Variants in SRBD1 observed in about 807,000 individuals in gnomAD.
SRBD1 encodes S1 RNA-binding domain-containing protein 1.
SRBD1 carries 88 observed loss-of-function variants against 115.3 expected under a neutral mutation model. That is an observed-to-expected ratio of 0.76 (90% confidence interval 0.64 to 0.91). SRBD1 has a LOEUF of 0.91. SRBD1 is among the 40% of genes least tolerant of loss of function. SRBD1 has a pLI of 0.00. For missense variants in SRBD1, 1,385 were observed against 1,177.4 expected, an observed-to-expected ratio of 1.18 and a Z score of -2.58; for synonymous variants, 509 against 407.7, an observed-to-expected ratio of 1.25 and a Z score of -2.99.
chr2:45,529,192 A>C (rs985290230), intron 14 of SRBD1, among the ~76,000 whole-genome samples: 1 of 151,944 alleles, frequency 6.6e-6, no homozygotes, highest in Middle Eastern at 3.2e-3. Context: ...GATTCTGTGC[A>C]TGCACTAGAT....
chr2:45,448,505 T>C (rs989094514), intron 16 of SRBD1, among the ~76,000 whole-genome samples: 1 of 152,148 alleles, frequency 6.6e-6, no homozygotes, highest in African/African-American at 2.4e-5. Context: ...AACATTTGCA[T>C]CTCAGAGGCC....
chr2:45,408,888 A>G (rs1667512374), intron 19 of SRBD1, among the ~76,000 whole-genome samples: 1 of 152,216 alleles, frequency 6.6e-6, no homozygotes, highest in South Asian at 2.1e-4. Flanking sequence ...CTTCTAAACC[A>G]TATTATAACT....
chr2:45,498,840 G>A (rs1437820810), intron 14 of SRBD1, among the ~76,000 whole-genome samples: 3 of 152,050 alleles, frequency 2.0e-5, no homozygotes, highest in African/African-American at 7.2e-5. Context: ...CTTTTTTTAT[G>A]GTTGAATAAT....
chr2:45,475,258 T>C (rs938005212), intron 16 of SRBD1, among the ~76,000 whole-genome samples: 2 of 152,182 alleles, frequency 1.3e-5, no homozygotes, highest in Non-Finnish European at 1.5e-5. Context: ...AGACTTGACT[T>C]CTTTCCATCT....
intron 10 of SRBD1, among the ~76,000 whole-genome samples, chr2:45,554,669 G>A (rs185022428): frequency 2.0e-5 from 3 of 152,132 alleles, no homozygotes; most frequent in African/African-American, 7.2e-5. Context: ...TCACTGAAAC[G>A]GTCCCTATAA....
At chr2:45,448,853 C>T (rs953036618) in intron 16 of SRBD1, among the ~76,000 whole-genome samples, 5 of 152,082 alleles carry the variant, frequency 3.3e-5, no homozygotes, top group African/African-American at 1.2e-4. Flanking sequence ...GTTTTAATTA[C>T]AGCAAATTAG....
chr2:45,524,804 C>T (rs192730506), intron 14 of SRBD1, among the ~76,000 whole-genome samples: 1 of 152,042 alleles, frequency 6.6e-6, no homozygotes, highest in Admixed American at 6.5e-5. Flanking sequence ...TTCTAAAATT[C>T]AAGTGGAATT....
chr2:45,529,097 T>A (rs1671536095), intron 14 of SRBD1, among the ~76,000 whole-genome samples: 1 of 151,860 alleles, frequency 6.6e-6, no homozygotes, highest in Admixed American at 6.6e-5. Flanking sequence ...ATGTCAATAA[T>A]TAACAGTACT....
At chr2:45,585,405 T>C (rs541816590) in intron 5 of SRBD1, among the ~76,000 whole-genome samples, 1 of 152,352 alleles carries the variant, frequency 6.6e-6, no homozygotes, top group East Asian at 1.9e-4. Flanking sequence ...ATGACCTTTT[T>C]GCTAATACAT....
At chr2:45,599,022 G>A (rs978149251) in intron 4 of SRBD1, among the ~76,000 whole-genome samples, 3 of 152,194 alleles carry the variant, frequency 2.0e-5, no homozygotes, top group Middle Eastern at 3.4e-3. Context: ...TTCAAAAATC[G>A]CTAGGCCTTG....
intron 2 of SRBD1, among the ~76,000 whole-genome samples, chr2:45,604,715 C>A (rs1674211770): frequency 6.6e-6 from 1 of 152,286 alleles, no homozygotes; most frequent in Admixed American, 6.5e-5. Context: ...ACATCTTCCG[C>A]AATAACTTTC....
chr2:45,520,677 A>G (rs1671255237), intron 14 of SRBD1, among the ~76,000 whole-genome samples: 1 of 111,398 alleles, frequency 9.0e-6, no homozygotes, highest in Non-Finnish European at 1.7e-5. Flanking sequence ...GGCGCAGCAG[A>G]GAAAGAGGAG....
chr2:45,555,713 C>T (rs990060595), intron 10 of SRBD1, among the ~76,000 whole-genome samples: 1 of 151,996 alleles, frequency 6.6e-6, no homozygotes, highest in East Asian at 1.9e-4. Context: ...AGGATGGTCT[C>T]GATCTCCTGA....
chr2:45,519,976 G>C (rs566670953), intron 14 of SRBD1, among the ~76,000 whole-genome samples: 44 of 152,226 alleles, frequency 2.9e-4, no homozygotes, highest in African/African-American at 9.4e-4. Context: ...TTCAAACTCA[G>C]GCAGATCAGA....
At position 45,553,632 on chromosome 2, in the gene SRBD1, C is replaced by G. The variant is rs747328504; in HGVS notation, c.1508G>C (p.Arg503Thr). Reference sequence around the variant, plus strand: ...AAGACAAGATATATACCTGAATTCTCTACAGAGAAGAGGATAAATAAGGCG... The same window carrying G: ...AAGACAAGATATATACCTGAATTCTGTACAGAGAAGAGGATAAATAAGGCG... ...FKRLIYPLLC[R>T]EFRAKLTSDA... Residue 503 changes from arginine to threonine, a missense_variant, in exon 11 of 21, where the codon AGA (arginine) becomes ACA (threonine). Coordinates refer to ENST00000263736, the MANE Select transcript of SRBD1 (RefSeq NM_018079.5). 1.9e-6 allele frequency: 3 copies of G among 1,589,060 alleles called. No homozygotes were observed. Among genetic ancestry groups the G allele is most frequent in the Admixed American group, 3.7e-5 (2 of 54,492 alleles).
At chr2:45,558,439 T>C (rs1242687160) in intron 10 of SRBD1, among the ~76,000 whole-genome samples, 1 of 152,196 alleles carries the variant, frequency 6.6e-6, no homozygotes, top group Non-Finnish European at 1.5e-5. Context: ...AGAAATCCTC[T>C]TCATACTTAT....
At chr2:45,488,810 C>A (rs1670201988) in intron 14 of SRBD1, among the ~76,000 whole-genome samples, 1 of 151,792 alleles carries the variant, frequency 6.6e-6, no homozygotes, top group Non-Finnish European at 1.5e-5. Flanking sequence ...AAACCACCAT[C>A]ATAAGCACTG....
chr2:45,598,620 T>A (rs540987467), intron 4 of SRBD1, among the ~76,000 whole-genome samples: 3 of 149,990 alleles, frequency 2.0e-5, no homozygotes, highest in African/African-American at 7.4e-5. Context: ...AAAAAAAAAA[T>A]TACGTTTTAC....
At chr2:45,552,308 T>C (rs780495907) in intron 11 of SRBD1, among the ~76,000 whole-genome samples, 2 of 152,210 alleles carry the variant, frequency 1.3e-5, no homozygotes, top group Non-Finnish European at 2.9e-5. Flanking sequence ...ACCTGCAAAC[T>C]AACTTATAAA....
Sources: gnomAD v4.1 joint callset for allele counts (sites outside exome capture counted in the v4.1 genomes callset) on GRCh38, gnomAD v4.1.1 for gene constraint, MANE v1.5 for transcripts, NCBI Gene and HGNC (gene_info 2026-07-23, HGNC 2026-07-21) for gene names.